Variants in GRAMD1B observed in about 807,000 individuals in gnomAD.
GRAMD1B encodes the protein protein Aster-B.
Under a neutral mutation model 99.7 loss-of-function variants are expected in GRAMD1B, and 37 were observed. The observed-to-expected ratio is 0.37, with a 90% CI of 0.29 to 0.49. The LOEUF is 0.49. Among genes scored for constraint, GRAMD1B ranks in the 20% least tolerant of loss-of-function variants. The probability of loss-of-function intolerance (pLI) is 0.98; values close to 1 mark genes in which losing one functional copy is unlikely to be tolerated. For missense variants in GRAMD1B, 888 were observed against 1,009.2 expected (o/e 0.88, Z 1.63); for synonymous variants, 427 against 387.6 (o/e 1.10, Z -1.19).
chr11:123,560,076 C>G (rs990557733), intron 2 of GRAMD1B, among the ~76,000 whole-genome samples: 17 of 150,914 alleles, frequency 1.1e-4, no homozygotes, highest in South Asian at 2.1e-4. Flanking sequence ...CCCCCCCCCC[C>G]GCAGCCCCAG....
intron 1 of GRAMD1B, among the ~76,000 whole-genome samples, chr11:123,469,092 A>G (rs1321008277): frequency 6.6e-6 from 1 of 152,070 alleles, no homozygotes; most frequent in Non-Finnish European, 1.5e-5. Context: ...AGGCTCTACC[A>G]GGCCAGTAGA....
chr11:123,390,847 T>G (rs1355568922), intron 1 of GRAMD1B, among the ~76,000 whole-genome samples: 1 of 152,210 alleles, frequency 6.6e-6, no homozygotes, highest in African/African-American at 2.4e-5. Context: ...TTAGCTTCCC[T>G]TTCTTCCCAT....
At chr11:123,429,204 A>G (rs898915812), upstream of GRAMD1B, among the ~76,000 whole-genome samples, 8 of 152,016 alleles carry the variant, frequency 5.3e-5, no homozygotes, top group African/African-American at 1.9e-4. The surrounding 1 kb of genome is among the most constrained non-coding windows in gnomAD (Gnocchi z 4.0). Flanking sequence ...TAAAAACAAA[A>G]CAAAACAAAA....
intron 1 of GRAMD1B, among the ~76,000 whole-genome samples, chr11:123,392,677 T>C (rs1947322712): frequency 6.6e-6 from 1 of 152,174 alleles, no homozygotes; most frequent in Admixed American, 6.5e-5. Flanking sequence ...TAATGCCTGG[T>C]GCAGTGCTTG....
intron 1 of GRAMD1B, among the ~76,000 whole-genome samples, chr11:123,456,429 A>G (rs905525268): frequency 6.6e-6 from 1 of 152,258 alleles, no homozygotes; most frequent in Admixed American, 6.5e-5. Flanking sequence ...TACCTCTGTG[A>G]CTTTACACTT....
At chr11:123,392,213 A>T (rs1947307598) in intron 1 of GRAMD1B, among the ~76,000 whole-genome samples, 1 of 152,002 alleles carries the variant, frequency 6.6e-6, no homozygotes, top group Non-Finnish European at 1.5e-5. Context: ...GTAGAAGAGG[A>T]GAATGAAAGC....
intron 1 of GRAMD1B, among the ~76,000 whole-genome samples, chr11:123,388,148 A>AAAC (rs1947140410): frequency 6.6e-6 from 1 of 151,884 alleles, no homozygotes; most frequent in East Asian, 1.9e-4. Flanking sequence ...AAAAAAAAAA[A>AAAC]AATAGCTATG....
chr11:123,385,751 G>A (rs1283578644), intron 1 of GRAMD1B, among the ~76,000 whole-genome samples: 2 of 152,114 alleles, frequency 1.3e-5, no homozygotes, highest in Admixed American at 1.3e-4. Context: ...CTCATAGATT[G>A]TTGTTTGTGG....
At chr11:123,522,954 G>A (rs544852693) in intron 2 of GRAMD1B, among the ~76,000 whole-genome samples, 7 of 152,342 alleles carry the variant, frequency 4.6e-5, no homozygotes, top group African/African-American at 1.4e-4. Context: ...TAGTGAATAA[G>A]AGAATAGGTT....
intron 1 of GRAMD1B, chr11:123,435,391 A>ATTTG (rs200829805): frequency 5.7e-6 from 4 of 698,464 alleles, no homozygotes; most frequent in South Asian, 1.5e-5. Flanking sequence ...TTGTTTCATT[A>ATTTG]TTTGTTTGTT....
chr11:123,539,011 A>G (rs1243090203), intron 2 of GRAMD1B, among the ~76,000 whole-genome samples: 1 of 151,816 alleles, frequency 6.6e-6, no homozygotes, highest in Non-Finnish European at 1.5e-5. Context: ...GTTTCATCCA[A>G]GTTGTAGCAT....
At chr11:123,559,346 G>C (rs1175773640) in intron 2 of GRAMD1B, among the ~76,000 whole-genome samples, 1 of 152,154 alleles carries the variant, frequency 6.6e-6, no homozygotes, top group East Asian at 1.9e-4. Context: ...ATCGCCATGG[G>C]TCTAGAGGCA....
At position 123,627,164 on chromosome 11, in the gene GRAMD1B, C is replaced by T. The variant is rs144370839; in HGVS notation, c.*4569C>T. On this transcript the variant is annotated 3_prime_UTR_variant, in exon 20 of 20. Coordinates refer to ENST00000635736, the MANE Select transcript of GRAMD1B (RefSeq NM_001387025.1). ...CATCTGAAGGCTTAAAGAACATTGTCGTTCTTCAGCCCTCCTTGCTTCTCT... is the reference window on the plus strand; with the variant it reads ...CATCTGAAGGCTTAAAGAACATTGTTGTTCTTCAGCCCTCCTTGCTTCTCT... The T allele has an allele frequency of 3.3e-5, 5 of 152,332 alleles. No individual in the cohort carries two copies. The highest frequency in any genetic ancestry group is 5.9e-5 in the Non-Finnish European group (4 of 68,044). 9.4% of individuals were successfully genotyped at this position (152,332 alleles called of 1,614,324 possible).
At chr11:123,529,925 G>A (rs1490396182) in intron 2 of GRAMD1B, among the ~76,000 whole-genome samples, 1 of 152,098 alleles carries the variant, frequency 6.6e-6, no homozygotes, top group African/African-American at 2.4e-5. Context: ...CGTCTCCAAA[G>A]AGCCTGGGGG....
chr11:123,617,243 G>C (rs138967757), intron 17 of GRAMD1B, among the ~76,000 whole-genome samples: 2,130 of 149,510 alleles, frequency 0.014, 33 homozygotes, highest in Middle Eastern at 0.017. Context: ...GAATGCAGTA[G>C]CATGATCTCA....
chr11:123,433,105 G>C (rs1286893251), intron 1 of GRAMD1B, among the ~76,000 whole-genome samples: 1 of 152,090 alleles, frequency 6.6e-6, no homozygotes, highest in Non-Finnish European at 1.5e-5. Context: ...TGTAATCCCA[G>C]CACTTTGGGA....
chr11:123,607,495 C>T (rs563212050), intron 11 of GRAMD1B, among the ~76,000 whole-genome samples: 5 of 152,350 alleles, frequency 3.3e-5, no homozygotes, highest in Admixed American at 3.3e-4. Context: ...GTGGACACCT[C>T]TCCCAGGGGC....
chr11:123,501,967 A>C (rs1939913916), intron 2 of GRAMD1B, among the ~76,000 whole-genome samples: 1 of 152,254 alleles, frequency 6.6e-6, no homozygotes, highest in South Asian at 2.1e-4. Flanking sequence ...TTCTGCAGGT[A>C]CTAAGTGAAG....
intron 2 of GRAMD1B, among the ~76,000 whole-genome samples, chr11:123,560,858 C>T (rs541198403): frequency 6.6e-6 from 1 of 152,088 alleles, no homozygotes; most frequent in Non-Finnish European, 1.5e-5. Flanking sequence ...CTGACGCAGG[C>T]TGCTCAGAGC....
Sources: gnomAD v4.1 joint callset for allele counts (sites outside exome capture counted in the v4.1 genomes callset) on GRCh38, gnomAD v4.1.1 for gene constraint, Gnocchi (gnomAD v3.1) non-coding constraint, MANE v1.5 for transcripts, NCBI Gene and HGNC (gene_info 2026-07-23, HGNC 2026-07-21) for gene names.